The following FHIT variants were observed in gnomAD, a reference collection of about 807,000 sequenced individuals.
FHIT encodes bis(5'-adenosyl)-triphosphatase.
In FHIT, 19 loss-of-function variants were observed where a neutral mutation model predicts 17.9. The ratio of observed to expected loss-of-function variants is 1.06; its 90% CI spans 0.74 to 1.56. The LOEUF is 1.56. Ranked by LOEUF, FHIT falls within the 40% of genes most tolerant of loss-of-function variation. The pLI is 0.00. For synonymous variants in FHIT, 81 were observed against 69.7 expected (o/e 1.16, Z -0.81); for missense variants, 248 against 189.2 (o/e 1.31, Z -1.82).
intron 8 of FHIT, among the ~76,000 whole-genome samples, chr3:59,863,310 T>G (rs1575605326): frequency 6.6e-6 from 1 of 152,204 alleles, no homozygotes; most frequent in Non-Finnish European, 1.5e-5. Flanking sequence ...ATGTCCCAAA[T>G]AACAAGTCCT....
At chr3:59,867,801 C>T (rs1310831284) in intron 8 of FHIT, among the ~76,000 whole-genome samples, 3 of 151,922 alleles carry the variant, frequency 2.0e-5, no homozygotes. Flanking sequence ...AATCATCTCC[C>T]CACCTCCACC....
intron 3 of FHIT, among the ~76,000 whole-genome samples, chr3:60,906,804 T>C (rs1706450991): frequency 6.6e-6 from 1 of 152,180 alleles, no homozygotes; most frequent in African/African-American, 2.4e-5. Flanking sequence ...TATTTCAATA[T>C]GAAATGTAGT....
At chr3:60,601,263 C>T (rs782671940) in intron 4 of FHIT, among the ~76,000 whole-genome samples, 1 of 152,144 alleles carries the variant, frequency 6.6e-6, no homozygotes, top group South Asian at 2.1e-4. Context: ...CATTTCCTAC[C>T]GCAGTGGCTT....
chr3:60,420,007 A>G (rs1038923593), intron 5 of FHIT, among the ~76,000 whole-genome samples: 1 of 152,170 alleles, frequency 6.6e-6, no homozygotes, highest in Non-Finnish European at 1.5e-5. Context: ...TCTAGTCCTT[A>G]TAAATGTACA....
chr3:60,179,073 A>G (rs1013073069), intron 5 of FHIT, among the ~76,000 whole-genome samples: 1 of 152,198 alleles, frequency 6.6e-6, no homozygotes, highest in Non-Finnish European at 1.5e-5. Flanking sequence ...AGGATTAAAG[A>G]TTCCTCAGAA....
At position 59,752,244 on chromosome 3, in the gene FHIT, C is replaced by A; in HGVS notation, c.426G>T (p.Leu142=). 1 of 1,613,040 alleles carries A rather than the reference C, an allele frequency of 6.2e-7. No individual in the cohort carries two copies. Among genetic ancestry groups the A allele is most frequent in the Non-Finnish European group, 8.5e-7 (1 of 1,179,386 alleles). ...EEEMAAEAAA[L]RVYFQ ...ACCTGTGTCACTGAAAGTAGACCCG[C>A]AGAGCTGCGGCTTCTGCTGCCATTT... The change falls in exon 9 of 10, where the codon CTG becomes CTT. Residue 142 remains leucine (L), a synonymous_variant. Coordinates refer to ENST00000492590, the MANE Select transcript of FHIT (RefSeq NM_002012.4).
chr3:60,271,770 T>G (rs1474969700), intron 5 of FHIT, among the ~76,000 whole-genome samples: 1 of 152,208 alleles, frequency 6.6e-6, no homozygotes, highest in Non-Finnish European at 1.5e-5. Flanking sequence ...TATTCATTTT[T>G]GCAGACTCAA....
chr3:60,060,996 T>C (rs1195271801), intron 5 of FHIT, among the ~76,000 whole-genome samples: 3 of 152,212 alleles, frequency 2.0e-5, no homozygotes, highest in Non-Finnish European at 4.4e-5. Flanking sequence ...AAGGACTTTG[T>C]TTATAGTGGT....
At chr3:60,045,030 T>A (rs770775601) in intron 5 of FHIT, among the ~76,000 whole-genome samples, 25 of 151,936 alleles carry the variant, frequency 1.6e-4, no homozygotes, top group African/African-American at 6.0e-4. Context: ...ATATTGGCCA[T>A]CATAAAAAAC....
chr3:60,366,522 C>T (rs1045385198), intron 5 of FHIT, among the ~76,000 whole-genome samples: 2 of 152,154 alleles, frequency 1.3e-5, no homozygotes, highest in African/African-American at 4.8e-5. Flanking sequence ...GGAGGTGGGA[C>T]CTCTAACAGT....
chr3:60,382,947 G>A (rs1398581069), intron 5 of FHIT, among the ~76,000 whole-genome samples: 1 of 152,136 alleles, frequency 6.6e-6, no homozygotes, highest in African/African-American at 2.4e-5. Context: ...TCTTGGTAAT[G>A]TCACGACTAG....
chr3:59,772,744 C>T (rs185885403), intron 8 of FHIT, among the ~76,000 whole-genome samples: 2 of 152,222 alleles, frequency 1.3e-5, no homozygotes, highest in Admixed American at 1.3e-4. Flanking sequence ...GTGGGGTTTG[C>T]AGGGCTTTAG....
chr3:60,891,114 A>AG (rs1559805076), intron 3 of FHIT, among the ~76,000 whole-genome samples: 2 of 152,198 alleles, frequency 1.3e-5, no homozygotes, highest in African/African-American at 2.4e-5. Flanking sequence ...ACACAGTCCT[A>AG]GAAGACCTTC....
chr3:61,120,589 A>G (rs899006069), intron 2 of FHIT, among the ~76,000 whole-genome samples: 9 of 152,130 alleles, frequency 5.9e-5, no homozygotes, highest in Non-Finnish European at 1.0e-4. Flanking sequence ...AAATGCCTTT[A>G]GAAATCCCCA....
At chr3:60,320,287 G>A (rs760991182) in intron 5 of FHIT, among the ~76,000 whole-genome samples, 2 of 152,154 alleles carry the variant, frequency 1.3e-5, no homozygotes, top group Non-Finnish European at 2.9e-5. Context: ...TGGGGCAGAT[G>A]GGGGTGGCGC....
At chr3:61,050,845 C>A (rs775182687) in intron 2 of FHIT, among the ~76,000 whole-genome samples, 8 of 152,198 alleles carry the variant, frequency 5.3e-5, no homozygotes, top group Non-Finnish European at 7.3e-5. Context: ...TCACTTCCAG[C>A]TGGGAGAAAC....
intron 8 of FHIT, among the ~76,000 whole-genome samples, chr3:59,896,467 T>G (rs772461658): frequency 6.6e-6 from 1 of 152,168 alleles, no homozygotes; most frequent in Non-Finnish European, 1.5e-5. Flanking sequence ...ATCAGAATAA[T>G]AGAGGGTAGT....
intron 5 of FHIT, among the ~76,000 whole-genome samples, chr3:60,353,659 A>G (rs1254679311): frequency 6.6e-6 from 1 of 152,166 alleles, no homozygotes; most frequent in Non-Finnish European, 1.5e-5. Flanking sequence ...CTTTTGTTAG[A>G]AAAAGTTACA....
At chr3:60,172,899 G>C (rs1488414738) in intron 5 of FHIT, among the ~76,000 whole-genome samples, 2 of 152,176 alleles carry the variant, frequency 1.3e-5, no homozygotes, top group Non-Finnish European at 2.9e-5. Context: ...TAACATTTCA[G>C]TAGAAGTGAT....
Sources: gnomAD v4.1 joint callset for allele counts (sites outside exome capture counted in the v4.1 genomes callset) on GRCh38, gnomAD v4.1.1 for gene constraint, MANE v1.5 for transcripts, NCBI Gene and HGNC (gene_info 2026-07-23, HGNC 2026-07-21) for gene names.